The following ARMC9 variants were observed in gnomAD, a reference collection of about 807,000 sequenced individuals.
ARMC9 encodes the protein lisH domain-containing protein ARMC9.
ARMC9 carries 94 observed loss-of-function variants against 107.0 expected under a neutral mutation model. The observed-to-expected ratio is 0.88, with a 90% CI of 0.74 to 1.04. The LOEUF is 1.04. Ranked by LOEUF, ARMC9 falls within the 50% of genes least tolerant of loss-of-function variation. The pLI, the probability that ARMC9 is intolerant of heterozygous loss-of-function variation, is 0.00. For missense variants in ARMC9, 942 were observed against 1,030.1 expected, an observed-to-expected ratio of 0.91 and a Z score of 1.17; for synonymous variants, 380 against 396.9, an observed-to-expected ratio of 0.96 and a Z score of 0.51.
At chr2:231,235,463 T>C (rs200277298) in intron 8 of ARMC9, 82 bp downstream of exon 8, 1 of 1,461,386 alleles carries the variant, frequency 6.8e-7, no homozygotes, top group Non-Finnish European at 9.2e-7. Flanking sequence ...ATATGGCAGG[T>C]GGAGCCTGCC....
intron 19 of ARMC9, among the ~76,000 whole-genome samples, chr2:231,322,397 A>G (rs1378965163): frequency 6.6e-6 from 1 of 152,258 alleles, no homozygotes; most frequent in Non-Finnish European, 1.5e-5. Context: ...TCTCAAATTT[A>G]AACTACTTAT....
chr2:231,262,521 G>T (rs2038465338), intron 12 of ARMC9, 123 bp downstream of exon 12: 1 of 944,954 alleles, frequency 1.1e-6, no homozygotes, highest in Non-Finnish European at 1.6e-6. Context: ...TGTCAGCCTT[G>T]AGCTCATGAG....
chr2:231,325,686 C>T (rs1330298052), intron 19 of ARMC9, among the ~76,000 whole-genome samples: 1 of 152,182 alleles, frequency 6.6e-6, no homozygotes, highest in Non-Finnish European at 1.5e-5. Context: ...TGCACACACA[C>T]CCTTTGATCA....
intron 9 of ARMC9, among the ~76,000 whole-genome samples, chr2:231,244,816 C>G (rs1459644705): frequency 6.6e-6 from 1 of 152,242 alleles, no homozygotes; most frequent in Non-Finnish European, 1.5e-5. Context: ...CATGGAGGAG[C>G]GGAGTTGACA....
intron 12 of ARMC9, among the ~76,000 whole-genome samples, chr2:231,269,439 G>T (rs2039125697): frequency 8.1e-6 from 1 of 123,688 alleles, no homozygotes; most frequent in South Asian, 2.5e-4. Context: ...TCACTCTGCT[G>T]CCCTGGCATG....
Position 231,345,047 on chromosome 2 carries a change from C to T in ARMC9, c.1951C>T (p.Gln651Ter), listed in dbSNP as rs1184595851. The T allele has an allele frequency of 1.9e-6, 3 of 1,613,792 alleles. No individual in the cohort carries two copies. Among genetic ancestry groups the T allele is most frequent in the Non-Finnish European group, 1.7e-6 (2 of 1,179,998 alleles). Residue 651 changes from glutamine to a stop codon, truncating the protein, a stop_gained, in exon 21 of 25, where the codon CAA (glutamine) becomes TAA (stop). Coordinates refer to ENST00000611582, the MANE Select transcript of ARMC9 (RefSeq NM_001352754.2). LOFTEE classifies it high-confidence loss of function. The stretch of plus-strand genomic sequence containing the variant: ...GCAGTGGAGCGGGGATGAGCCCCTG[C>T]AAAGGCCCGTCACCCCCGGCGGCCA... ...NVQWSGDEPLQRPVTPGGHRN... is the reference protein window; with the variant it reads ...NVQWSGDEPL
chr2:231,337,349 G>C (rs1408440958), intron 20 of ARMC9, among the ~76,000 whole-genome samples: 2 of 133,760 alleles, frequency 1.5e-5, no homozygotes, highest in African/African-American at 5.6e-5. Flanking sequence ...CCCAGCTGGA[G>C]TGCAGTGGCA....
intron 17 of ARMC9, among the ~76,000 whole-genome samples, chr2:231,285,613 T>C (rs1001678365): frequency 2.7e-5 from 4 of 150,408 alleles, no homozygotes; most frequent in Non-Finnish European, 5.9e-5. Flanking sequence ...GCCACTGGAC[T>C]CCACCCTGTG....
chr2:231,354,765 G>C (rs1448421377), intron 21 of ARMC9, among the ~76,000 whole-genome samples: 1 of 152,208 alleles, frequency 6.6e-6, no homozygotes, highest in African/African-American at 2.4e-5. Flanking sequence ...GTTCCCCACT[G>C]AGCCCTTGTT....
chr2:231,204,215 G>C (rs1226008273), intron 1 of ARMC9, among the ~76,000 whole-genome samples: 1 of 147,456 alleles, frequency 6.8e-6, no homozygotes, highest in Non-Finnish European at 1.5e-5. Context: ...AGTGGTGTCA[G>C]TCCCCTCCTC....
chr2:231,314,691 T>A (rs1418425068), intron 19 of ARMC9, among the ~76,000 whole-genome samples: 1 of 152,220 alleles, frequency 6.6e-6, no homozygotes, highest in Non-Finnish European at 1.5e-5. Flanking sequence ...AAATGTCCCC[T>A]AGGAGGCAAA....
chr2:231,374,449 G>C lies in ARMC9; in HGVS notation c.*2914G>C, dbSNP rs893811413. The C allele has an allele frequency of 2.6e-5, 4 of 152,006 alleles. No individual in the cohort carries two copies. Among genetic ancestry groups the C allele is most frequent in the Non-Finnish European group, 5.9e-5 (4 of 68,032 alleles). The allele number at this position is 152,006 out of a possible 1,614,324, so 9.4% of individuals were successfully genotyped here. ...AGCTTAAATTAGGACCTGTGGTGGG[G>C]ACTTTAATAGGCAGGTGGAGGTTTG... On this transcript the variant is annotated 3_prime_UTR_variant, in exon 25 of 25. Transcript: ENST00000611582.
At chr2:231,248,574 C>T (rs1365365517) in intron 9 of ARMC9, among the ~76,000 whole-genome samples, 2 of 151,920 alleles carry the variant, frequency 1.3e-5, no homozygotes, top group South Asian at 2.1e-4. Flanking sequence ...TTTGGGAGGC[C>T]GAGGCGGGCG....
At chr2:231,230,974 C>G (rs1221326873) in intron 7 of ARMC9, among the ~76,000 whole-genome samples, 1 of 152,236 alleles carries the variant, frequency 6.6e-6, no homozygotes, top group East Asian at 1.9e-4. Context: ...GCCTGCTTCT[C>G]TCTTTCCAAT....
chr2:231,277,796 C>G (rs1048536005), intron 15 of ARMC9, among the ~76,000 whole-genome samples: 3 of 152,104 alleles, frequency 2.0e-5, no homozygotes, highest in Non-Finnish European at 2.9e-5. Context: ...CTCCTAACTT[C>G]AAGTGATCCA....
intron 9 of ARMC9, among the ~76,000 whole-genome samples, chr2:231,244,576 C>T (rs2036589578): frequency 6.6e-6 from 1 of 152,074 alleles, no homozygotes; most frequent in South Asian, 2.1e-4. Flanking sequence ...CACTATGTTG[C>T]CCAGGCTGGT....
Position 231,214,836 on chromosome 2 carries a change from T to G in ARMC9, c.183T>G (p.Asp61Glu). The G allele has an allele frequency of 6.2e-7, 1 of 1,614,038 alleles. No homozygotes were observed. Among genetic ancestry groups the G allele is most frequent in the Non-Finnish European group, 8.5e-7 (1 of 1,179,960 alleles). Residue 61 changes from aspartate (D) to glutamate (E), a missense_variant, in exon 4 of 25, where the codon GAT (aspartate) becomes GAG (glutamate). Transcript: ENST00000611582. Reference sequence around the variant, plus strand: ...GTCTGATGTCTTCTCCACAGAAGGATCTTGTCGCTGCATTTGACAACGGAG... The same window carrying G: ...GTCTGATGTCTTCTCCACAGAAGGAGCTTGTCGCTGCATTTGACAACGGAG... The part of the protein sequence containing the change: ...RDSKSLTIQK[D>E]LVAAFDNGDQ...
At chr2:231,258,435 C>T (rs1311082471) in intron 10 of ARMC9, among the ~76,000 whole-genome samples, 1 of 152,148 alleles carries the variant, frequency 6.6e-6, no homozygotes, top group Non-Finnish European at 1.5e-5. Context: ...CCCGCACAGG[C>T]CTCCCAAAGT....
intron 7 of ARMC9, among the ~76,000 whole-genome samples, chr2:231,228,213 C>T (rs1466185323): frequency 6.6e-6 from 1 of 152,234 alleles, no homozygotes; most frequent in African/African-American, 2.4e-5. Context: ...TACACCTCAG[C>T]CCACTGTTCC....
Sources: gnomAD v4.1 joint callset for allele counts (sites outside exome capture counted in the v4.1 genomes callset) on GRCh38, gnomAD v4.1.1 for gene constraint, MANE v1.5 for transcripts, NCBI Gene and HGNC (gene_info 2026-07-23, HGNC 2026-07-21) for gene names.